The following TOX variants were observed in gnomAD, a reference collection of about 807,000 sequenced individuals.
TOX encodes thymocyte selection associated high mobility group box.
TOX carries 11 observed loss-of-function variants against 53.7 expected under a neutral mutation model. The observed-to-expected ratio is 0.20, with a 90% CI of 0.13 to 0.34. TOX has a LOEUF of 0.34. Ranked by LOEUF, TOX falls within the 10% of genes least tolerant of loss-of-function variation. The probability of loss-of-function intolerance (pLI) is 1.00; values close to 1 mark genes in which losing one functional copy is unlikely to be tolerated. For missense variants in TOX, 570 were observed against 664.6 expected (o/e 0.86, Z 1.56); for synonymous variants, 225 against 245.3 (o/e 0.92, Z 0.77).
intron 1 of TOX, among the ~76,000 whole-genome samples, chr8:58,994,456 G>C (rs1056823939): frequency 6.7e-6 from 1 of 149,150 alleles, no homozygotes; most frequent in Non-Finnish European, 1.5e-5. Context: ...TTTTTTTAAA[G>C]AAAGGACTAA....
intron 1 of TOX, among the ~76,000 whole-genome samples, chr8:58,970,292 T>G (rs16924339): frequency 0.024 from 3,629 of 152,278 alleles, 137 homozygotes; most frequent in African/African-American, 0.083. Flanking sequence ...ATTTTATCCT[T>G]GCTTAGTGAT....
At chr8:59,001,603 T>C (rs779114791) in intron 1 of TOX, among the ~76,000 whole-genome samples, 10 of 152,140 alleles carry the variant, frequency 6.6e-5, no homozygotes, top group African/African-American at 2.4e-4. Context: ...TCAAAAACCA[T>C]CCTGAGCTTG....
At position 59,118,729 on chromosome 8, in the gene TOX, T is replaced by C. The variant is rs1805153883; in HGVS notation, c.102+157A>G. On this transcript the variant is annotated intron_variant, in intron 1 of 8. Coordinates refer to ENST00000361421, the MANE Select transcript of TOX (RefSeq NM_014729.3). This position sits in a 1 kb window ranked among gnomAD's most constrained non-coding sequence, Gnocchi z 4.1. ...AAGCCCCCGGAGCTACTCCACAATATTTACTACCCAAGCGCACGCAGGCTG... is the reference window on the plus strand; with the variant it reads ...AAGCCCCCGGAGCTACTCCACAATACTTACTACCCAAGCGCACGCAGGCTG... Among the ~76,000 whole-genome samples the C allele has an allele frequency of 6.6e-6, 1 of 151,954 alleles. No individual in the cohort carries two copies. Among genetic ancestry groups the C allele is most frequent in the Non-Finnish European group, 1.5e-5 (1 of 67,964 alleles).
chr8:59,111,259 T>C (rs964508329), intron 1 of TOX, among the ~76,000 whole-genome samples: 2 of 152,152 alleles, frequency 1.3e-5, no homozygotes, highest in African/African-American at 4.8e-5. Context: ...TAATGGAGTC[T>C]TTCCCTGAGA....
intron 1 of TOX, among the ~76,000 whole-genome samples, chr8:58,998,734 A>C (rs1417939765): frequency 6.7e-6 from 1 of 150,330 alleles, no homozygotes; most frequent in East Asian, 1.9e-4. Context: ...AATTAGAAAC[A>C]AAAGATAAAT....
chr8:59,067,720 G>A (rs1279163964), intron 1 of TOX, among the ~76,000 whole-genome samples: 1 of 151,834 alleles, frequency 6.6e-6, no homozygotes, highest in Non-Finnish European at 1.5e-5. Flanking sequence ...AAAAAATGGA[G>A]GCGCTTATTT....
At chr8:58,932,543 A>G (rs1812273411) in intron 3 of TOX, among the ~76,000 whole-genome samples, 1 of 152,218 alleles carries the variant, frequency 6.6e-6, no homozygotes, top group Non-Finnish European at 1.5e-5. Context: ...GTCCATGGTT[A>G]CATACTTTAT....
intron 3 of TOX, among the ~76,000 whole-genome samples, chr8:58,885,775 A>G (rs1381676764): frequency 6.6e-6 from 1 of 152,156 alleles, no homozygotes; most frequent in Non-Finnish European, 1.5e-5. Flanking sequence ...TAATTGCTAT[A>G]CCTCAATCCC....
chr8:59,117,020 C>T lies in TOX; in HGVS notation c.102+1866G>A, dbSNP rs1805112532. On this transcript the variant is annotated intron_variant, in intron 1 of 8. Transcript: ENST00000361421. This position sits in a 1 kb window ranked among gnomAD's most constrained non-coding sequence, Gnocchi z 4.6. ...TTAAATTAAATCTGACCCTACTTAT[C>T]ACAAGAACGAGGAGTGAAATGTGTA... 6.6e-6 allele frequency among the ~76,000 whole-genome samples: 1 copy of T among 152,208 alleles called. No individual in the cohort carries two copies. The highest frequency in any genetic ancestry group is 1.5e-5 in the Non-Finnish European group (1 of 68,038).
chr8:59,044,531 T>C (rs1803651353), intron 1 of TOX, among the ~76,000 whole-genome samples: 1 of 152,210 alleles, frequency 6.6e-6, no homozygotes, highest in South Asian at 2.1e-4. Flanking sequence ...ACATTTTATA[T>C]TCAAAGCATT....
At chr8:59,033,383 A>G (rs1335970806) in intron 1 of TOX, among the ~76,000 whole-genome samples, 1 of 152,248 alleles carries the variant, frequency 6.6e-6, no homozygotes, top group Non-Finnish European at 1.5e-5. Context: ...CAGAGGGAAG[A>G]ATGGGGAGAT....
At chr8:58,895,545 C>T (rs534219806) in intron 3 of TOX, among the ~76,000 whole-genome samples, 1 of 152,194 alleles carries the variant, frequency 6.6e-6, no homozygotes. Context: ...AGTGAATTCA[C>T]TGGATATGAA....
chr8:58,960,038 C>T lies in TOX; in HGVS notation c.103-30G>A. ...GAATGAAATAATAGTAAACATTCAG[C>T]AATCTTGACTGCGGGTATGTTTGGT... On this transcript the variant is annotated intron_variant, in intron 1 of 8. Transcript: ENST00000361421. 4.3e-6 allele frequency: 7 copies of T among 1,611,184 alleles called. No homozygotes were observed. In the African/African-American group the frequency reaches 5.3e-5, roughly 12 times the overall value.
chr8:58,990,584 A>G (rs987680644), intron 1 of TOX, among the ~76,000 whole-genome samples: 1 of 152,098 alleles, frequency 6.6e-6, no homozygotes, highest in Non-Finnish European at 1.5e-5. Context: ...TGAAGTTGCT[A>G]TTGGTAACCA....
At chr8:59,026,932 C>T (rs1814253194) in intron 1 of TOX, among the ~76,000 whole-genome samples, 1 of 150,986 alleles carries the variant, frequency 6.6e-6, no homozygotes, top group Non-Finnish European at 1.5e-5. Flanking sequence ...ACCAGTGTCC[C>T]TGTGATTAGT....
intron 1 of TOX, among the ~76,000 whole-genome samples, chr8:59,049,087 ATT>A (rs200493581): frequency 0.076 from 11,582 of 152,120 alleles, 1,351 homozygotes; most frequent in East Asian, 0.5. Flanking sequence ...ATCCATTATT[ATT>A]TGGCCCGGTA....
intron 5 of TOX, among the ~76,000 whole-genome samples, chr8:58,836,335 G>A (rs1422846637): frequency 6.6e-6 from 1 of 152,110 alleles, no homozygotes; most frequent in Non-Finnish European, 1.5e-5. Context: ...GGTTTGGCAG[G>A]GTGAGAGCAA....
At chr8:59,080,851 C>T (rs1292574220) in intron 1 of TOX, among the ~76,000 whole-genome samples, 1 of 152,150 alleles carries the variant, frequency 6.6e-6, no homozygotes, top group Non-Finnish European at 1.5e-5. Flanking sequence ...CAGAACTGGG[C>T]CAATTAAACC....
chr8:59,013,715 T>C (rs990335669), intron 1 of TOX, among the ~76,000 whole-genome samples: 4 of 152,184 alleles, frequency 2.6e-5, no homozygotes, highest in Non-Finnish European at 5.9e-5. Context: ...GGCCATCAAA[T>C]AGGTTTCTAT....
Sources: allele counts gnomAD v4.1 joint callset (sites outside exome capture counted in the v4.1 genomes callset), GRCh38; gene constraint gnomAD v4.1.1; non-coding constraint Gnocchi (gnomAD v3.1); transcripts MANE v1.5; gene names NCBI Gene and HGNC (gene_info 2026-07-23, HGNC 2026-07-21).